Variants in LGR6 observed in about 807,000 individuals in gnomAD.
LGR6 encodes leucine rich repeat containing G protein-coupled receptor 6.
A neutral mutation model predicts 69.4 loss-of-function variants in LGR6; 45 were observed. The ratio of observed to expected loss-of-function variants is 0.65; its 90% confidence interval spans 0.51 to 0.83. LGR6 has a LOEUF of 0.83. Among genes scored for constraint, LGR6 ranks in the 40% least tolerant of loss-of-function variants. LGR6 has a pLI of 0.00. For synonymous variants in LGR6, 538 were observed against 555.0 expected, an observed-to-expected ratio of 0.97 and a Z score of 0.43; for missense variants, 1,108 against 1,246.7, an observed-to-expected ratio of 0.89 and a Z score of 1.68.
At chr1:202,228,230 A>G (rs781723531) in intron 3 of LGR6, among the ~76,000 whole-genome samples, 4 of 152,238 alleles carry the variant, frequency 2.6e-5, no homozygotes, top group Non-Finnish European at 5.9e-5. Flanking sequence ...ACATTCAGCC[A>G]CACTAAAAGG....
In LGR6 at chr1:202,300,917, C is replaced by A; in HGVS notation, c.854C>A (p.Thr285Lys). The change falls in exon 8 of 18, where the codon ACG becomes AAG. Residue 285 changes from threonine to lysine, a missense_variant. Transcript: ENST00000367278. Reference sequence around the variant, plus strand: ...TTCATGGGGAACCCTCTGCTACAGACGATGTGAGTACTACTTTCTCTGGTC... The same window carrying A: ...TTCATGGGGAACCCTCTGCTACAGAAGATGTGAGTACTACTTTCTCTGGTC... ...KAFMGNPLLQ[T>K]IHFYDNPIQF... 1 of 1,610,136 alleles carries A rather than the reference C, an allele frequency of 6.2e-7. No individual in the cohort carries two copies. The highest frequency in any genetic ancestry group is 8.5e-7 in the Non-Finnish European group (1 of 1,177,378).
chr1:202,312,107 G>T (rs991282547), intron 16 of LGR6, among the ~76,000 whole-genome samples: 2 of 152,242 alleles, frequency 1.3e-5, no homozygotes, highest in Non-Finnish European at 2.9e-5. Flanking sequence ...ACCACAGGGC[G>T]TCAAGATCGT....
At chr1:202,248,024 T>C (rs901651687) in intron 4 of LGR6, among the ~76,000 whole-genome samples, 1 of 152,314 alleles carries the variant, frequency 6.6e-6, no homozygotes, top group Non-Finnish European at 1.5e-5. Context: ...TGAGTAATTT[T>C]CCATCTGTTT....
intron 5 of LGR6, among the ~76,000 whole-genome samples, chr1:202,277,622 C>G (rs1462868578): frequency 1.3e-5 from 2 of 152,012 alleles, no homozygotes; most frequent in East Asian, 3.9e-4. Flanking sequence ...TAAGAAGGAG[C>G]AGGCATTTAT....
intron 2 of LGR6, among the ~76,000 whole-genome samples, chr1:202,226,965 C>T (rs1660602846): frequency 6.6e-6 from 1 of 152,292 alleles, no homozygotes; most frequent in South Asian, 2.1e-4. Context: ...ACATTGGACA[C>T]GACCTGAGAA....
intron 1 of LGR6, among the ~76,000 whole-genome samples, chr1:202,215,109 A>AGTGAGGGTG (rs146035400): frequency 0.11 from 10,920 of 103,734 alleles, 633 homozygotes; most frequent in African/African-American, 0.18. Flanking sequence ...GGATGGGGTT[A>AGTGAGGGTG]GTGAGGGTGG....
intron 1 of LGR6, chr1:202,214,054 G>A: frequency 7.4e-7 from 1 of 1,342,344 alleles, no homozygotes; most frequent in Non-Finnish European, 9.5e-7. Context: ...GCTATCCAGA[G>A]GGAAGGGCAT....
In LGR6 at chr1:202,199,522, C is replaced by T. The variant is rs557849299; in HGVS notation, c.212+5321C>T. On this transcript the variant is annotated intron_variant, in intron 1 of 17. Transcript: ENST00000367278. The stretch of plus-strand genomic sequence containing the variant: ...GGGCGCGGCCGGGTGGGGCGGCTGG[C>T]GGAGGAGAAGAAAGCCTGGCTCAGA... 8.5e-5 allele frequency among the ~76,000 whole-genome samples: 13 copies of T among 152,298 alleles called. No homozygotes were observed. The East Asian group carries it at 1.9e-3, about 23-fold the overall frequency.
chr1:202,255,135 G>A (rs1459608856), intron 4 of LGR6, among the ~76,000 whole-genome samples: 5 of 152,196 alleles, frequency 3.3e-5, no homozygotes, highest in African/African-American at 9.7e-5. Flanking sequence ...AGAGAGGGCC[G>A]TGACTTTTGA....
intron 4 of LGR6, among the ~76,000 whole-genome samples, chr1:202,262,711 T>C (rs995513943): frequency 2.0e-4 from 30 of 152,238 alleles, no homozygotes. Flanking sequence ...ATCTATCTCA[T>C]ATTTATTTCC....
At position 202,292,707 on chromosome 1, in the gene LGR6, CA is replaced by C. The variant is rs1230238569; in HGVS notation, c.717-4800del. ...CATTCTTCCTATTATGATAAGCCAG[CA>C]CTGCCCAGTAGAACTTTCTGGGTTG... is the stretch of plus-strand genomic sequence containing the variant. On this transcript the variant is annotated intron_variant, in intron 6 of 17. Coordinates refer to ENST00000367278, the MANE Select transcript of LGR6 (RefSeq NM_001017403.2). 2.1e-4 allele frequency among the ~76,000 whole-genome samples: 32 copies of C among 152,372 alleles called. 1 individual carries two copies. Among genetic ancestry groups the C allele is most frequent in the African/African-American group, 7.0e-4 (29 of 41,594 alleles).
intron 7 of LGR6, among the ~76,000 whole-genome samples, chr1:202,300,031 T>A (rs567698326): frequency 6.6e-6 from 1 of 152,326 alleles, no homozygotes; most frequent in East Asian, 1.9e-4. Context: ...CTTATCCCCC[T>A]GGCTGCGTGC....
intron 1 of LGR6, among the ~76,000 whole-genome samples, chr1:202,205,856 ACCT>A (rs1558005448): frequency 7.4e-6 from 1 of 136,004 alleles, no homozygotes; most frequent in Non-Finnish European, 1.6e-5. Context: ...TCAAACACAC[ACCT>A]CCTTCAAACA....
rs1226522050 is a variant in LGR6 at position 202,302,858 on chromosome 1, G to C, written c.930-421G>C. 2.6e-5 allele frequency among the ~76,000 whole-genome samples: 4 copies of C among 152,086 alleles called. 1 individual carries two copies. In the South Asian group the frequency reaches 8.3e-4, roughly 32 times the overall value. Reference sequence around the variant, plus strand: ...CACCACACCCGGCTGAGAACTGATAGTTCTAATAAAGTTCCAGCAGATGAC... The same window carrying C: ...CACCACACCCGGCTGAGAACTGATACTTCTAATAAAGTTCCAGCAGATGAC... On this transcript the variant is annotated intron_variant, in intron 9 of 17. Coordinates refer to ENST00000367278, the MANE Select transcript of LGR6 (RefSeq NM_001017403.2).
Position 202,318,174 on chromosome 1 carries a change from T to A in LGR6, c.1871T>A (p.Leu624Gln), listed in dbSNP as rs1429135167. The A allele has an allele frequency of 6.2e-7, 1 of 1,613,618 alleles. No homozygotes were observed. The highest frequency in any genetic ancestry group is 8.5e-7 in the Non-Finnish European group (1 of 1,180,012). Residue 624 changes from leucine (L) to glutamine (Q), a missense_variant, in exon 18 of 18, where the codon CTG becomes CAG. Physicochemically the swap from Leu to Gln is moderately radical, Grantham distance 113 (BLOSUM62 -2). Transcript: ENST00000367278. ...GGCCTTCTAGCCTCAGTCGATGCCCTGACCTTTGGTCAGTTCTCTGAGTAC... is the reference window on the plus strand; with the variant it reads ...GGCCTTCTAGCCTCAGTCGATGCCCAGACCTTTGGTCAGTTCTCTGAGTAC... Reference protein sequence around the residue: ...SCGLLASVDALTFGQFSEYGA... With the variant: ...SCGLLASVDAQTFGQFSEYGA...
chr1:202,278,602 G>A lies in LGR6; in HGVS notation c.644+2081G>A, dbSNP rs530268871. 3.3e-5 allele frequency among the ~76,000 whole-genome samples: 5 copies of A among 152,294 alleles called. No homozygotes were observed. The South Asian group carries it at 1.0e-3, about 32-fold the overall frequency. ...GGATGGAGGAGAGAGGCTTCTAGCAGGAGGTGACCTGTGAAGTGGACAGGA... is the reference window on the plus strand; with the variant it reads ...GGATGGAGGAGAGAGGCTTCTAGCAAGAGGTGACCTGTGAAGTGGACAGGA... On this transcript the variant is annotated intron_variant, in intron 5 of 17. Coordinates refer to ENST00000367278, the MANE Select transcript of LGR6 (RefSeq NM_001017403.2).
At chr1:202,291,086 G>A (rs1399102222) in intron 6 of LGR6, among the ~76,000 whole-genome samples, 1 of 152,174 alleles carries the variant, frequency 6.6e-6, no homozygotes, top group Non-Finnish European at 1.5e-5. Flanking sequence ...TTTACCGATT[G>A]CATGGATTTG....
rs369375611 is a variant in LGR6 at position 202,303,268 on chromosome 1, T to C, written c.930-11T>C. The C allele has an allele frequency of 6.2e-7, 1 of 1,611,048 alleles. No homozygotes were observed. Among genetic ancestry groups the C allele is most frequent in the South Asian group, 1.1e-5 (1 of 91,028 alleles). On this transcript the variant is annotated splice_polypyrimidine_tract_variant and intron_variant, in intron 9 of 17. Coordinates refer to ENST00000367278, the MANE Select transcript of LGR6 (RefSeq NM_001017403.2). ...ACCCCACCCCTCAGAGCTCATTGTCTCTATTTCCAGATCTCTGAATGGTGC... is the reference window on the plus strand; with the variant it reads ...ACCCCACCCCTCAGAGCTCATTGTCCCTATTTCCAGATCTCTGAATGGTGC...
intron 4 of LGR6, among the ~76,000 whole-genome samples, chr1:202,253,796 T>A (rs1663507171): frequency 3.8e-5 from 1 of 26,038 alleles, no homozygotes; most frequent in Admixed American, 5.6e-4. Flanking sequence ...GCCTGGCTAA[T>A]TTTTTTTTTT....
Sources: allele counts gnomAD v4.1 joint callset (sites outside exome capture counted in the v4.1 genomes callset), GRCh38; gene constraint gnomAD v4.1.1; transcripts MANE v1.5; gene names NCBI Gene and HGNC (gene_info 2026-07-23, HGNC 2026-07-21).